RAB4A: variants seen among roughly 807,000 people sequenced by gnomAD.
The protein encoded by RAB4A is ras-related protein Rab-4A.
A neutral mutation model predicts 34.5 loss-of-function variants in RAB4A; 20 were observed. The ratio of observed to expected loss-of-function variants is 0.58; its 90% CI spans 0.41 to 0.84. RAB4A has a LOEUF of 0.84. Among genes scored for constraint, RAB4A ranks in the 40% least tolerant of loss-of-function variants. RAB4A has a pLI of 0.00. For synonymous variants in RAB4A, 102 were observed against 100.0 expected, an observed-to-expected ratio of 1.02 and a Z score of -0.12; for missense variants, 228 against 274.5, an observed-to-expected ratio of 0.83 and a Z score of 1.20.
At chr1:229,273,477 C>T (rs987298705) in intron 1 of RAB4A, among the ~76,000 whole-genome samples, 1 of 152,194 alleles carries the variant, frequency 6.6e-6, no homozygotes, top group Non-Finnish European at 1.5e-5. Context: ...TGATGGCTCA[C>T]GCCTGTAATC....
At position 229,285,540 on chromosome 1, in the gene RAB4A, C is replaced by G. The variant is rs529175477; in HGVS notation, c.32-946C>G. Among the ~76,000 whole-genome samples the G allele has an allele frequency of 3.3e-5, 5 of 152,060 alleles. No individual in the cohort carries two copies. The South Asian group carries it at 1.0e-3, about 32-fold the overall frequency. ...TCTGGAAAAGAGTGTGGAGGTGACA[C>G]TTTCAAAGCTACAAACAGGGGAGCC... is the stretch of plus-strand genomic sequence containing the variant. On this transcript the variant is annotated intron_variant, in intron 1 of 7. Coordinates refer to ENST00000366690, the MANE Select transcript of RAB4A (RefSeq NM_004578.4).
chr1:229,291,645 C>T (rs143862781), intron 3 of RAB4A, among the ~76,000 whole-genome samples: 40 of 152,248 alleles, frequency 2.6e-4, no homozygotes, highest in African/African-American at 9.6e-4. Flanking sequence ...GTCTAGCACA[C>T]AGGGGCGCAG....
intron 1 of RAB4A, among the ~76,000 whole-genome samples, chr1:229,284,530 T>C (rs994341144): frequency 3.3e-5 from 5 of 152,146 alleles, no homozygotes; most frequent in Non-Finnish European, 7.3e-5. Flanking sequence ...CAATGATGGG[T>C]TGTTGTTGCC....
At chr1:229,282,919 A>G (rs1299099312) in intron 1 of RAB4A, among the ~76,000 whole-genome samples, 1 of 152,170 alleles carries the variant, frequency 6.6e-6, no homozygotes, top group Non-Finnish European at 1.5e-5. Flanking sequence ...TAATTCTAAC[A>G]TTTGTCATCT....
At chr1:229,277,368 C>G (rs1259640488) in intron 1 of RAB4A, among the ~76,000 whole-genome samples, 1 of 151,122 alleles carries the variant, frequency 6.6e-6, no homozygotes, top group Admixed American at 6.6e-5. Context: ...GCTGCCTGTT[C>G]CACCTCCTTT....
At chr1:229,292,914 C>T (rs1657132008) in intron 3 of RAB4A, among the ~76,000 whole-genome samples, 1 of 152,118 alleles carries the variant, frequency 6.6e-6, no homozygotes, top group African/African-American at 2.4e-5. Flanking sequence ...ACCCTCCAGG[C>T]TAAGGAGACC....
Position 229,297,483 on chromosome 1 carries a change from C to A in RAB4A, c.292C>A (p.Arg98=). ...TTTTCACAATCTTATATTACGCAGC[C>A]GAGAAACCTACAATGCGCTTACTAA... is the stretch of plus-strand genomic sequence containing the variant. The part of the protein sequence containing the change: ...GALLVYDITS[R]ETYNALTNWL... The change falls in exon 5 of 8, where the codon CGA becomes AGA. Residue 98 remains arginine (R), a splice_region_variant and synonymous_variant. Coordinates refer to ENST00000366690, the MANE Select transcript of RAB4A (RefSeq NM_004578.4). 6.3e-7 allele frequency: 1 copy of A among 1,589,444 alleles called. No homozygotes were observed. The highest frequency in any genetic ancestry group is 8.5e-7 in the Non-Finnish European group (1 of 1,172,944).
chr1:229,299,356 GTCTT>G (rs1361866089), intron 6 of RAB4A, among the ~76,000 whole-genome samples: 1 of 152,170 alleles, frequency 6.6e-6, no homozygotes, highest in Non-Finnish European at 1.5e-5. Context: ...TAGAACCATA[GTCTT>G]TCTTTGGTCC....
At chr1:229,300,818 G>A (rs1218205745) in intron 6 of RAB4A, among the ~76,000 whole-genome samples, 4 of 152,110 alleles carry the variant, frequency 2.6e-5, no homozygotes, top group African/African-American at 9.7e-5. Flanking sequence ...GTGATCGTCC[G>A]GAGAACAGTG....
intron 1 of RAB4A, among the ~76,000 whole-genome samples, chr1:229,282,507 C>A (rs1202274238): frequency 2.0e-5 from 3 of 152,150 alleles, no homozygotes; most frequent in Non-Finnish European, 4.4e-5. Context: ...AGTGCTGTTT[C>A]TTAGAGTGCT....
intron 1 of RAB4A, among the ~76,000 whole-genome samples, chr1:229,273,114 G>A (rs1656539693): frequency 1.3e-5 from 2 of 152,244 alleles, no homozygotes; most frequent in South Asian, 4.1e-4. Context: ...AGCACTAGGG[G>A]AAGGGTGGAA....
intron 1 of RAB4A, among the ~76,000 whole-genome samples, chr1:229,275,883 C>A (rs1483187831): frequency 6.6e-6 from 1 of 151,194 alleles, no homozygotes; most frequent in Non-Finnish European, 1.5e-5. Flanking sequence ...TTCTCAGCCT[C>A]CCAGAGTGCT....
intron 1 of RAB4A, among the ~76,000 whole-genome samples, chr1:229,276,934 C>G (rs1656665588): frequency 6.7e-6 from 1 of 149,736 alleles, no homozygotes; most frequent in South Asian, 2.1e-4. Flanking sequence ...GATACAAGAG[C>G]CTCCTGGGCC....
At chr1:229,272,545 G>A (rs1038628234) in intron 1 of RAB4A, among the ~76,000 whole-genome samples, 58 of 152,174 alleles carry the variant, frequency 3.8e-4, no homozygotes, top group Non-Finnish European at 2.9e-5. Context: ...AGTTCTGAAG[G>A]AGTGTGGTCC....
chr1:229,276,519 T>C (rs1210759391), intron 1 of RAB4A, among the ~76,000 whole-genome samples: 7 of 151,388 alleles, frequency 4.6e-5, no homozygotes, highest in Admixed American at 4.6e-4. Flanking sequence ...GCTACCTAAC[T>C]ACACCTGGGT....
rs237757 is a variant in RAB4A at position 229,284,084 on chromosome 1, G to C, written c.32-2402G>C. Among the ~76,000 whole-genome samples the C allele has an allele frequency of 8.4e-5, 11 of 130,462 alleles. No homozygotes were observed. In the Admixed American group the frequency reaches 8.4e-4, roughly 10 times the overall value. 85.6% of individuals were successfully genotyped at this position (130,462 alleles called of 152,430 possible). ...TCTAGGGTGGTTTTTTTTGTTGTTGGTGTTGTTTGGTTTTTTTTTTTTTTT... is the reference window on the plus strand; with the variant it reads ...TCTAGGGTGGTTTTTTTTGTTGTTGCTGTTGTTTGGTTTTTTTTTTTTTTT... On this transcript the variant is annotated intron_variant, in intron 1 of 7. Coordinates refer to ENST00000366690, the MANE Select transcript of RAB4A (RefSeq NM_004578.4).
intron 2 of RAB4A, among the ~76,000 whole-genome samples, chr1:229,288,126 T>C (rs1436406956): frequency 6.6e-6 from 1 of 152,202 alleles, no homozygotes; most frequent in Non-Finnish European, 1.5e-5. Flanking sequence ...TTGGGGTTTA[T>C]TGGAGGGTGT....
intron 1 of RAB4A, among the ~76,000 whole-genome samples, chr1:229,285,357 T>C (rs1159150058): frequency 1.3e-5 from 2 of 152,188 alleles, no homozygotes; most frequent in Non-Finnish European, 2.9e-5. Context: ...ATTTTTAGTT[T>C]GATTGCCTGT....
intron 5 of RAB4A, 90 bp downstream of exon 5, chr1:229,297,726 C>A: frequency 7.7e-7 from 1 of 1,291,540 alleles, no homozygotes; most frequent in Non-Finnish European, 1.0e-6. Context: ...ATTGGAATTT[C>A]AAGATTAAAC....
Sources: gnomAD v4.1 joint callset for allele counts (sites outside exome capture counted in the v4.1 genomes callset) on GRCh38, gnomAD v4.1.1 for gene constraint, MANE v1.5 for transcripts, NCBI Gene and HGNC (gene_info 2026-07-23, HGNC 2026-07-21) for gene names.